MSTN: variants seen among roughly 807,000 people sequenced by gnomAD.
MSTN encodes the protein myostatin, also known as growth/differentiation factor 8.
In MSTN, 12 loss-of-function variants were observed where a neutral mutation model predicts 32.3. The observed-to-expected ratio is 0.37, with a 90% CI of 0.24 to 0.60. The LOEUF (loss-of-function observed/expected upper bound fraction) is 0.60, where lower values mean the gene tolerates loss of function less well. MSTN is among the 20% of genes least tolerant of loss of function. The probability of loss-of-function intolerance (pLI) is 0.67; values close to 1 mark genes in which losing one functional copy is unlikely to be tolerated. For missense variants in MSTN, 403 were observed against 450.3 expected, an observed-to-expected ratio of 0.89 and a Z score of 0.95; for synonymous variants, 168 against 155.1, an observed-to-expected ratio of 1.08 and a Z score of -0.62.
At chr2:190,059,996 A>G (rs1685546061) in intron 2 of MSTN, 66 bp downstream of exon 2, 3 of 1,514,266 alleles carry the variant, frequency 2.0e-6, no homozygotes, top group Middle Eastern at 1.7e-4. Context: ...ATTTTCCACT[A>G]TTGTTTGTTC....
chr2:190,056,238 G>A lies in MSTN; in HGVS notation c.*1020C>T, dbSNP rs1306185762. ...TAGTACTTAATTTGAAATGTCCTTAGTGTAAAAATATACCAAAGTAAATAA... is the reference window on the plus strand; with the variant it reads ...TAGTACTTAATTTGAAATGTCCTTAATGTAAAAATATACCAAAGTAAATAA... On this transcript the variant is annotated 3_prime_UTR_variant, in exon 3 of 3. Coordinates refer to ENST00000260950, the MANE Select transcript of MSTN (RefSeq NM_005259.3). 6.6e-6 allele frequency: 1 copy of A among 152,358 alleles called. No individual in the cohort carries two copies. The highest frequency in any genetic ancestry group is 2.4e-5 in the African/African-American group (1 of 41,388). The allele number at this position is 152,358 out of a possible 1,614,324, so 9.4% of individuals were successfully genotyped here.
rs1443569144 is a variant in MSTN, at chr2:190,056,651, G to A, written c.*607C>T. 7 of 152,640 alleles carry A rather than the reference G, an allele frequency of 4.6e-5. No individual in the cohort carries two copies. The South Asian group carries it at 1.4e-3, about 32-fold the overall frequency. The allele number at this position is 152,640 out of a possible 1,614,324, so 9.5% of individuals were successfully genotyped here. ...CTATTTTACTGAATGTTTTTTATGT[G>A]ATAAACCTGGTAGCCTCAGACATTC... On this transcript the variant is annotated 3_prime_UTR_variant, in exon 3 of 3. Transcript: ENST00000260950.
chr2:190,056,055 C>T lies in MSTN; in HGVS notation c.*1203G>A, dbSNP rs3187415. On this transcript the variant is annotated 3_prime_UTR_variant, in exon 3 of 3. Coordinates refer to ENST00000260950, the MANE Select transcript of MSTN (RefSeq NM_005259.3). ...TCACTTTATACAGCCATCATGAATC[C>T]ATAAGTGAATGTTAATCATGTAAAA... is the stretch of plus-strand genomic sequence containing the variant. 6.6e-6 allele frequency: 1 copy of T among 152,238 alleles called. No homozygotes were observed. Among genetic ancestry groups the T allele is most frequent in the African/African-American group, 2.4e-5 (1 of 41,302 alleles). 9.4% of individuals were successfully genotyped at this position (152,238 alleles called of 1,614,324 possible). A position where few individuals can be genotyped will look rare whatever the true frequency, so the allele number is the denominator to read the frequency against.
At position 190,057,439 on chromosome 2, in the gene MSTN, A is replaced by G; in HGVS notation, c.947T>C (p.Val316Ala). Residue 316 changes from valine to alanine, a missense_variant, in exon 3 of 3, where the codon GTA (valine) becomes GCA (alanine). By Grantham distance (64) the Val-to-Ala change is moderately conservative. Coordinates refer to ENST00000260950, the MANE Select transcript of MSTN (RefSeq NM_005259.3). Reference protein sequence around the residue: ...ANYCSGECEFVFLQKYPHTHL... With the variant: ...ANYCSGECEFAFLQKYPHTHL... ...AGTATGAGGATATTTTTGTAAAAATACAAATTCACACTCTCCAGAGCAGTA... is the reference window on the plus strand; with the variant it reads ...AGTATGAGGATATTTTTGTAAAAATGCAAATTCACACTCTCCAGAGCAGTA... 1 of 1,613,618 alleles carries G rather than the reference A, an allele frequency of 6.2e-7. No homozygotes were observed. Among genetic ancestry groups the G allele is most frequent in the Non-Finnish European group, 8.5e-7 (1 of 1,179,596 alleles).
chr2:190,060,149 T>C lies in MSTN; in HGVS notation c.660A>G (p.Glu220=). The C allele has an allele frequency of 6.2e-7, 1 of 1,612,966 alleles. No individual in the cohort carries two copies. The highest frequency in any genetic ancestry group is 8.5e-7 in the Non-Finnish European group (1 of 1,179,210). ...TVLQNWLKQP[E]SNLGIEIKAL... is the part of the protein sequence containing the mutation. Reference sequence around the variant, plus strand: ...CTTTTATTTCAATGCCTAAGTTGGATTCAGGTTGTTTGAGCCAATTTTGCA... The same window carrying C: ...CTTTTATTTCAATGCCTAAGTTGGACTCAGGTTGTTTGAGCCAATTTTGCA... The change falls in exon 2 of 3, where the codon GAA becomes GAG. Residue 220 remains glutamate, a synonymous_variant. Coordinates refer to ENST00000260950, the MANE Select transcript of MSTN (RefSeq NM_005259.3).
At chr2:190,058,665 T>C (rs1169339455) in intron 2 of MSTN, among the ~76,000 whole-genome samples, 1 of 151,950 alleles carries the variant, frequency 6.6e-6, no homozygotes, top group Non-Finnish European at 1.5e-5. Flanking sequence ...CATGGAATAC[T>C]ATTTAACCAT....
rs1378031619 is a variant in MSTN at position 190,056,831 on chromosome 2, T to C, written c.*427A>G. On this transcript the variant is annotated 3_prime_UTR_variant, in exon 3 of 3. Transcript: ENST00000260950. ...CAATATAAATTCAAGTGTTTAAGGA[T>C]GATTCGAATGATGGTATATAACAAT... The C allele has an allele frequency of 5.2e-6, 1 of 192,638 alleles. No individual in the cohort carries two copies. Among genetic ancestry groups the C allele is most frequent in the Non-Finnish European group, 1.1e-5 (1 of 91,942 alleles). 11.9% of individuals were successfully genotyped at this position (192,638 alleles called of 1,614,324 possible). A position where few individuals can be genotyped will look rare whatever the true frequency, so the allele number is the denominator to read the frequency against.
At position 190,060,137 on chromosome 2, in the gene MSTN, G is replaced by A; in HGVS notation, c.672C>T (p.Gly224=). ...NWLKQPESNL[G]IEIKALDENG... ...TCTCATCTAAAGCTTTTATTTCAAT[G>A]CCTAAGTTGGATTCAGGTTGTTTGA... The change falls in exon 2 of 3, where the codon GGC becomes GGT. Residue 224 remains glycine, a synonymous_variant. Transcript: ENST00000260950. 1.2e-6 allele frequency: 2 copies of A among 1,612,882 alleles called. No homozygotes were observed. The highest frequency in any genetic ancestry group is 1.1e-5 in the South Asian group (1 of 91,030).
At chr2:190,058,831 G>A (rs895923942) in intron 2 of MSTN, among the ~76,000 whole-genome samples, 7 of 151,784 alleles carry the variant, frequency 4.6e-5, no homozygotes, top group Non-Finnish European at 8.8e-5. Flanking sequence ...AAGGTACTTC[G>A]GAGACTCAGA....
chr2:190,057,696 C>T (rs1685475242), intron 2 of MSTN, 58 bp from the exon 3 acceptor site: 2 of 1,569,284 alleles, frequency 1.3e-6, no homozygotes, highest in Non-Finnish European at 1.8e-6. Context: ...CACTTTTCTA[C>T]CTACCTTAAG....
chr2:190,062,506 C>CT lies in MSTN; in HGVS notation c.90dup (p.Glu31ArgfsTer10). ...CACAGCCCCTCTTTTTCCACATTTT[C>CT]TTTTTGCTCACTGTTCTCATTTAGA... On this transcript the variant is annotated frameshift_variant, in exon 1 of 3. Transcript: ENST00000260950. LOFTEE classifies it high-confidence loss of function. 6.2e-7 allele frequency: 1 copy of CT among 1,613,468 alleles called. No homozygotes were observed.
At position 190,056,137 on chromosome 2, in the gene MSTN, C is replaced by G. The variant is rs1685420577; in HGVS notation, c.*1121G>C. 1 of 152,324 alleles carries G rather than the reference C, an allele frequency of 6.6e-6. No individual in the cohort carries two copies. The highest frequency in any genetic ancestry group is 2.4e-5 in the African/African-American group (1 of 41,386). 9.4% of individuals were successfully genotyped at this position (152,324 alleles called of 1,614,324 possible). ...ATCATTAACATATGGAGTTTTAAGA[C>G]CACTATTTAATCTGCTAATTTGCTC... On this transcript the variant is annotated 3_prime_UTR_variant, in exon 3 of 3. Transcript: ENST00000260950.
At position 190,057,117 on chromosome 2, in the gene MSTN, A is replaced by G; in HGVS notation, c.*141T>C. 1.2e-6 allele frequency: 1 copy of G among 802,806 alleles called. No homozygotes were observed. The highest frequency in any genetic ancestry group is 2.0e-6 in the Non-Finnish European group (1 of 508,454). The allele number at this position is 802,806 out of a possible 1,614,324, so 49.7% of individuals were successfully genotyped here. On this transcript the variant is annotated 3_prime_UTR_variant, in exon 3 of 3. Transcript: ENST00000260950. ...AACCATTGCATATATTCCCCCTTTT[A>G]GTTTACATACTGTAGCTTATGCTTA... is the stretch of plus-strand genomic sequence containing the variant.
chr2:190,058,615 C>A (rs1685504166), intron 2 of MSTN, among the ~76,000 whole-genome samples: 1 of 151,894 alleles, frequency 6.6e-6, no homozygotes, highest in Non-Finnish European at 1.5e-5. Flanking sequence ...AAGTGCCCAT[C>A]AGCGGATGAA....
rs533241314 is a variant in MSTN, at chr2:190,062,515, C to T, written c.82G>A (p.Glu28Lys). 5 of 1,613,424 alleles carry T rather than the reference C, an allele frequency of 3.1e-6. No individual in the cohort carries two copies. The South Asian group carries it at 3.3e-5, about 11-fold the overall frequency. Residue 28 changes from glutamate to lysine, a missense_variant, in exon 1 of 3, where the codon GAG becomes AAG. Glu to Lys is a moderately conservative substitution (Grantham distance 56). Coordinates refer to ENST00000260950, the MANE Select transcript of MSTN (RefSeq NM_005259.3). ...TCTTTTTCCACATTTTCTTTTTGCT[C>T]ACTGTTCTCATTTAGATCCACTGGA... is the stretch of plus-strand genomic sequence containing the variant. ...AGPVDLNENS[E>K]QKENVEKEGL...
intron 2 of MSTN, among the ~76,000 whole-genome samples, chr2:190,059,094 T>C (rs1448643139): frequency 1.3e-5 from 2 of 151,848 alleles, no homozygotes; most frequent in African/African-American, 2.4e-5. Flanking sequence ...AGAGTAGATC[T>C]GATCTGCTAA....
At position 190,057,039 on chromosome 2, in the gene MSTN, ACT is replaced by A; in HGVS notation, c.*217_*218del. The A allele has an allele frequency of 1.9e-6, 1 of 539,758 alleles. No homozygotes were observed. Among genetic ancestry groups the A allele is most frequent in the Non-Finnish European group, 3.3e-6 (1 of 306,140 alleles). 33.4% of individuals were successfully genotyped at this position (539,758 alleles called of 1,614,324 possible). A position where few individuals can be genotyped will look rare whatever the true frequency, so the allele number is the denominator to read the frequency against. ...AATTTGATCTCCTTCTAGCTCAAAA[ACT>A]CTGGAAATCATAAAACTTTCTTGTA... On this transcript the variant is annotated 3_prime_UTR_variant, in exon 3 of 3. Transcript: ENST00000260950.
At position 190,062,271 on chromosome 2, in the gene MSTN, T is replaced by C; in HGVS notation, c.326A>G (p.Asp109Gly). ...TGTTTCCGTTGTAGCGTGATAATCG[T>C]CATCTTCCAAAGAGCCATCGCTGCT... ...DDSSDGSLEDDDYHATTETII... is the reference protein window; with the variant it reads ...DDSSDGSLEDGDYHATTETII... The change falls in exon 1 of 3, where the codon GAC (aspartate) becomes GGC (glycine). Residue 109 changes from aspartate (D) to glycine (G), a missense_variant. By Grantham distance (94) the Asp-to-Gly change is moderately conservative (BLOSUM62 -1). Transcript: ENST00000260950. The C allele has an allele frequency of 6.2e-7, 1 of 1,613,196 alleles. No individual in the cohort carries two copies. Among genetic ancestry groups the C allele is most frequent in the Non-Finnish European group, 8.5e-7 (1 of 1,179,304 alleles).
intron 1 of MSTN, 58 bp downstream of exon 1, chr2:190,062,166 A>C (rs1251844128): frequency 1.9e-6 from 3 of 1,591,674 alleles, no homozygotes; most frequent in Non-Finnish European, 2.6e-6. Context: ...TCTGTTTCTC[A>C]TAAACACTAG....
Sources: gnomAD v4.1 joint callset for allele counts (sites outside exome capture counted in the v4.1 genomes callset) on GRCh38, gnomAD v4.1.1 for gene constraint, MANE v1.5 for transcripts, NCBI Gene and HGNC (gene_info 2026-07-23, HGNC 2026-07-21) for gene names.